Variants in ESF1 observed in about 807,000 individuals in gnomAD.
The protein encoded by ESF1 is ESF1 nucleolar pre-rRNA processing protein, also known as ESF1 homolog.
ESF1 carries 58 observed loss-of-function variants against 92.0 expected under a neutral mutation model. The ratio of observed to expected loss-of-function variants is 0.63; its 90% CI spans 0.51 to 0.78. ESF1 has a LOEUF of 0.78. ESF1 is among the 30% of genes least tolerant of loss of function. ESF1 has a pLI of 0.00. For missense variants in ESF1, 922 were observed against 989.1 expected, an observed-to-expected ratio of 0.93 and a Z score of 0.91; for synonymous variants, 321 against 313.7, an observed-to-expected ratio of 1.02 and a Z score of -0.24.
At chr20:13,752,607 T>G (rs531460799) in intron 9 of ESF1, among the ~76,000 whole-genome samples, 4 of 152,308 alleles carry the variant, frequency 2.6e-5, no homozygotes, top group Admixed American at 2.6e-4. Flanking sequence ...TGCTTGAAAC[T>G]GGGCTGCCTA....
At chr20:13,757,207 A>G (rs976893451) in intron 9 of ESF1, among the ~76,000 whole-genome samples, 14 of 152,214 alleles carry the variant, frequency 9.2e-5, no homozygotes, top group African/African-American at 2.7e-4. Context: ...TACAGATCAT[A>G]TTCCTCTTTG....
At chr20:13,753,270 T>C (rs1978721487) in intron 9 of ESF1, among the ~76,000 whole-genome samples, 1 of 151,776 alleles carries the variant, frequency 6.6e-6, no homozygotes. Context: ...ATCTGCTAAG[T>C]GGAGTTTCAC....
chr20:13,750,807 T>C (rs2147752371), intron 9 of ESF1, among the ~76,000 whole-genome samples: 1 of 152,174 alleles, frequency 6.6e-6, no homozygotes, highest in East Asian at 1.9e-4. Context: ...AGTAAGAGCC[T>C]GGCTCTACAA....
Position 13,759,676 on chromosome 20 carries a change from A to C in ESF1, c.1828+16T>G. ...GAAATTCGAAAAAGAGAAAACATTT[A>C]GTATCTAATTCTTACCTGGAACCCA... On this transcript the variant is annotated intron_variant, in intron 9 of 13. Transcript: ENST00000617257. The C allele has an allele frequency of 6.4e-7, 1 of 1,569,058 alleles. No homozygotes were observed. The highest frequency in any genetic ancestry group is 8.6e-7 in the Non-Finnish European group (1 of 1,169,272).
chr20:13,748,437 TAC>T (rs72421565), intron 9 of ESF1, among the ~76,000 whole-genome samples: 211 of 13,840 alleles, frequency 0.015, no homozygotes, highest in African/African-American at 0.032. Context: ...CACATATATA[TAC>T]ACATATATAC....
At chr20:13,727,773 A>G (rs2049911475) in intron 11 of ESF1, among the ~76,000 whole-genome samples, 1 of 152,184 alleles carries the variant, frequency 6.6e-6, no homozygotes, top group African/African-American at 2.4e-5. Flanking sequence ...TAATTTAGGG[A>G]TTCAAGGAAA....
rs1471594308 is a variant in ESF1 at position 13,775,960 on chromosome 20, T to C, written c.948A>G (p.Glu316=). ...KGNIETSSED[E]DDTADLFPEE... is the part of the protein sequence containing the mutation. ...CTGGAAACAAATCTGCCGTATCATC[T>C]TCATCTTCAGAACTAGTTTCTATAT... is the stretch of plus-strand genomic sequence containing the variant. The change falls in exon 3 of 14, where the codon GAA becomes GAG. Residue 316 remains glutamate, a synonymous_variant. Transcript: ENST00000617257. The C allele has an allele frequency of 5.0e-6, 8 of 1,613,768 alleles. No individual in the cohort carries two copies. Among genetic ancestry groups the C allele is most frequent in the Non-Finnish European group, 6.8e-6 (8 of 1,179,914 alleles).
chr20:13,738,860 GA>G (rs1422340209), intron 9 of ESF1, among the ~76,000 whole-genome samples: 3 of 151,964 alleles, frequency 2.0e-5, no homozygotes, highest in Non-Finnish European at 4.4e-5. Context: ...GCAAATAAAA[GA>G]AAAAAATGAG....
chr20:13,780,422 A>T (rs1980127057), intron 2 of ESF1, among the ~76,000 whole-genome samples: 1 of 152,162 alleles, frequency 6.6e-6, no homozygotes, highest in African/African-American at 2.4e-5. Flanking sequence ...CTCCAATCTT[A>T]TTCTTCAATT....
At chr20:13,731,948 TC>T (rs921918479) in intron 10 of ESF1, among the ~76,000 whole-genome samples, 1 of 152,206 alleles carries the variant, frequency 6.6e-6, no homozygotes, top group Non-Finnish European at 1.5e-5. Flanking sequence ...CCACAGCCCT[TC>T]CCCCATACCT....
At chr20:13,717,326 C>T (rs1465062197) in intron 13 of ESF1, 42 bp downstream of exon 13, 4 of 1,603,634 alleles carry the variant, frequency 2.5e-6, no homozygotes, top group Non-Finnish European at 3.4e-6. Flanking sequence ...ACTTTAGATT[C>T]AATTCCAGCT....
At chr20:13,775,129 T>C in intron 4 of ESF1, 28 bp downstream of exon 4, 1 of 1,438,242 alleles carries the variant, frequency 7.0e-7, no homozygotes, top group Non-Finnish European at 9.5e-7. Context: ...CCTAGAAATA[T>C]TTATTTCAAA....
intron 9 of ESF1, among the ~76,000 whole-genome samples, chr20:13,753,853 A>C (rs1978751396): frequency 6.6e-6 from 1 of 152,234 alleles, no homozygotes; most frequent in African/African-American, 2.4e-5. Flanking sequence ...TTTTGCAATC[A>C]AACTTTGAGC....
Position 13,772,609 on chromosome 20 carries a change from G to T in ESF1, c.1156C>A (p.Pro386Thr). ...GGVIFSVKIY[P>T]SEFGKERMKE... ...ATCCTCTCCTTTCCAAATTCTGAAG[G>T]ATATATCTAAACAGAAAAAAATAGG... Residue 386 changes from proline to threonine, a missense_variant, in exon 5 of 14, where the codon CCT becomes ACT. Transcript: ENST00000617257. 6.2e-7 allele frequency: 1 copy of T among 1,606,414 alleles called. No homozygotes were observed. The highest frequency in any genetic ancestry group is 8.5e-7 in the Non-Finnish European group (1 of 1,174,340).
At chr20:13,784,058 G>C (rs747058555) in intron 1 of ESF1, among the ~76,000 whole-genome samples, 1 of 152,182 alleles carries the variant, frequency 6.6e-6, no homozygotes, top group Admixed American at 6.5e-5. Context: ...AAGTAAATTT[G>C]AGTCTCCAGG....
chr20:13,753,805 T>C (rs1381415906), intron 9 of ESF1, among the ~76,000 whole-genome samples: 1 of 152,174 alleles, frequency 6.6e-6, no homozygotes, highest in African/African-American at 2.4e-5. Context: ...ATCTTTTCAT[T>C]TTAACCCATT....
chr20:13,775,975 A>G lies in ESF1; in HGVS notation c.933T>C (p.Thr311=). 1 of 1,613,824 alleles carries G rather than the reference A, an allele frequency of 6.2e-7. No homozygotes were observed. ...DLARGKGNIE[T]SSEDEDDTAD... is the part of the protein sequence containing the mutation. ...CCGTATCATCTTCATCTTCAGAACT[A>G]GTTTCTATATTTCCTTTACCCCTTG... Residue 311 remains threonine (T), a synonymous_variant, in exon 3 of 14, where the codon ACT becomes ACC. Transcript: ENST00000617257.
chr20:13,764,883 G>C (rs761186982), intron 8 of ESF1, among the ~76,000 whole-genome samples: 13 of 150,942 alleles, frequency 8.6e-5, no homozygotes, highest in Non-Finnish European at 1.8e-4. Flanking sequence ...GAGTCATCAA[G>C]AGTCAACTGT....
intron 9 of ESF1, among the ~76,000 whole-genome samples, chr20:13,754,827 A>C (rs76433859): frequency 0.039 from 5,988 of 152,242 alleles, 392 homozygotes; most frequent in African/African-American, 0.13. Context: ...ATGGCCTACA[A>C]GGCTTTCATG....
Sources: allele counts gnomAD v4.1 joint callset (sites outside exome capture counted in the v4.1 genomes callset), GRCh38; gene constraint gnomAD v4.1.1; transcripts MANE v1.5; gene names NCBI Gene and HGNC (gene_info 2026-07-23, HGNC 2026-07-21).